Variants in CD36 observed in about 807,000 individuals in gnomAD.
CD36 encodes CD36 molecule (CD36 blood group).
Under a neutral mutation model 55.2 loss-of-function variants are expected in CD36, and 119 were observed. The ratio of observed to expected loss-of-function variants is 2.15; its 90% CI spans 1.86 to 2.51. The LOEUF is 2.51. Among genes scored for constraint, CD36 ranks in the 30% most tolerant of loss-of-function variants. The pLI is 0.00. For missense variants in CD36, 819 were observed against 555.5 expected (o/e 1.47, Z -4.77); for synonymous variants, 186 against 193.6 (o/e 0.96, Z 0.33).
At chr7:80,648,989 G>A (rs545200412) in intron 3 of CD36, among the ~76,000 whole-genome samples, 1 of 152,184 alleles carries the variant, frequency 6.6e-6, no homozygotes, top group African/African-American at 2.4e-5. Context: ...TAGGAAGCAA[G>A]CTTAGAACAT....
intron 5 of CD36, among the ~76,000 whole-genome samples, chr7:80,661,900 A>G (rs867862873): frequency 6.6e-6 from 1 of 152,190 alleles, no homozygotes; most frequent in Non-Finnish European, 1.5e-5. Context: ...AAAACTCTGC[A>G]GAGTCTAGCT....
At position 80,673,993 on chromosome 7, in the gene CD36, T is replaced by TTGGTG; in HGVS notation, c.1266_1270dup (p.Asp424ValfsTer13). On this transcript the variant is annotated frameshift_variant, in exon 14 of 15. Transcript: ENST00000447544. LOFTEE classifies it high-confidence loss of function. ...TTAACTTGATTACAGACTGGGACCA[T>TTGGTG]TGGTGATGAGAAGGCAAACATGTTC... 1 of 1,611,534 alleles carries TTGGTG rather than the reference T, an allele frequency of 6.2e-7. No individual in the cohort carries two copies.
chr7:80,610,457 G>A (rs1792816220), intron 1 of CD36, among the ~76,000 whole-genome samples: 1 of 152,142 alleles, frequency 6.6e-6, no homozygotes, highest in African/African-American at 2.4e-5. Context: ...AATATCTTCA[G>A]TGTAGTCGCT....
chr7:80,662,432 C>G (rs1584423068), intron 5 of CD36: 4 of 240,528 alleles, frequency 1.7e-5, no homozygotes, highest in East Asian at 1.1e-4. Context: ...GAGCTTGTGG[C>G]CAGCATTTCA....
intron 1 of CD36, among the ~76,000 whole-genome samples, chr7:80,603,124 A>G (rs897566690): frequency 1.3e-5 from 2 of 152,132 alleles, no homozygotes; most frequent in Non-Finnish European, 2.9e-5. Flanking sequence ...GGTGTGTTTC[A>G]TAATATGGCT....
intron 3 of CD36, chr7:80,647,167 C>A: frequency 3.0e-6 from 1 of 330,596 alleles, no homozygotes; most frequent in Non-Finnish European, 5.9e-6. Context: ...AGCATGTTGG[C>A]ATGCTTTTGA....
In CD36 at chr7:80,644,383, GTCT is replaced by G. The variant is rs145389366; in HGVS notation, c.-183-1700_-183-1698del. ...AAAAATGACACTAAAGAACTAGTCAGTCTTCTTAATCACCAAGACCTTGATGTA... is the reference window on the plus strand; with the variant it reads ...AAAAATGACACTAAAGAACTAGTCAGTCTTAATCACCAAGACCTTGATGTA... On this transcript the variant is annotated intron_variant, in intron 1 of 14. Coordinates refer to ENST00000447544, the MANE Select transcript of CD36 (RefSeq NM_001001548.3). Among the ~76,000 whole-genome samples, 500 of 152,236 alleles carry G rather than the reference GTCT, an allele frequency of 3.3e-3. 2 individuals carry two copies. Among genetic ancestry groups the G allele is most frequent in the African/African-American group, 0.012 (491 of 41,538 alleles).
intron 8 of CD36, among the ~76,000 whole-genome samples, chr7:80,666,977 C>T (rs1240344372): frequency 2.6e-5 from 4 of 152,194 alleles, no homozygotes; most frequent in Middle Eastern, 6.8e-3. Flanking sequence ...AGAGAGAAAA[C>T]AATAACAAAG....
intron 1 of CD36, among the ~76,000 whole-genome samples, chr7:80,616,905 A>T (rs1793196370): frequency 6.6e-6 from 1 of 152,202 alleles, no homozygotes; most frequent in African/African-American, 2.4e-5. Flanking sequence ...AAAACAGAAA[A>T]CTATCACTAC....
At chr7:80,673,664 A>C in intron 13 of CD36, 1 of 559,790 alleles carries the variant, frequency 1.8e-6, no homozygotes, top group South Asian at 2.2e-5. Flanking sequence ...TTGCCTGACA[A>C]GGTATTTTTA....
intron 1 of CD36, among the ~76,000 whole-genome samples, chr7:80,622,637 T>G (rs1294766102): frequency 6.6e-6 from 1 of 152,166 alleles, no homozygotes; most frequent in Non-Finnish European, 1.5e-5. Flanking sequence ...ATGTCTGCAG[T>G]GAGAAAATAA....
chr7:80,626,446 G>T (rs372931813), intron 1 of CD36, among the ~76,000 whole-genome samples: 1 of 152,040 alleles, frequency 6.6e-6, no homozygotes, highest in Admixed American at 6.6e-5. Context: ...TAAATCTACA[G>T]AATGTGATTT....
chr7:80,632,671 T>C (rs1490169862), intron 1 of CD36, among the ~76,000 whole-genome samples: 4 of 152,086 alleles, frequency 2.6e-5, no homozygotes, highest in African/African-American at 7.2e-5. Context: ...TGATCAATTT[T>C]TTATGGTTTA....
chr7:80,637,897 T>G (rs1794534143), upstream of CD36, among the ~76,000 whole-genome samples: 1 of 109,118 alleles, frequency 9.2e-6, no homozygotes, highest in South Asian at 4.4e-4. Context: ...TGATTCAATA[T>G]CAACATAATG....
At chr7:80,624,692 CAA>C (rs1341503189) in intron 1 of CD36, among the ~76,000 whole-genome samples, 1 of 151,894 alleles carries the variant, frequency 6.6e-6, no homozygotes. Flanking sequence ...GAAAACACAG[CAA>C]AACCCTGTCT....
At chr7:80,662,352 GTCC>G (rs1340871402) in intron 5 of CD36, 1 of 192,846 alleles carries the variant, frequency 5.2e-6, no homozygotes, top group Non-Finnish European at 1.1e-5. Flanking sequence ...CGAAATCGTA[GTCC>G]TCCTCATCCT....
intron 1 of CD36, among the ~76,000 whole-genome samples, chr7:80,639,649 A>G (rs1335215871): frequency 6.6e-6 from 1 of 152,008 alleles, no homozygotes; most frequent in East Asian, 1.9e-4. Flanking sequence ...AAAGATTTGC[A>G]TGTACTTTTT....
Position 80,647,007 on chromosome 7 carries a change from A to G in CD36, c.120+147A>G, listed in dbSNP as rs548976088. On this transcript the variant is annotated intron_variant, in intron 3 of 14. Transcript: ENST00000447544. ...GGTAATTATGAACCACTGCAACTCT[A>G]TATGATGCGACTTTATGTGAAATGT... The G allele has an allele frequency of 5.9e-4, 471 of 793,672 alleles. 5 individuals carry two copies. Among genetic ancestry groups the G allele is most frequent in the South Asian group, 5.6e-3 (384 of 68,082 alleles). The allele number at this position is 793,672 out of a possible 1,614,324, so 49.2% of individuals were successfully genotyped here.
chr7:80,627,662 C>T (rs1300874004), intron 1 of CD36, among the ~76,000 whole-genome samples: 1 of 151,974 alleles, frequency 6.6e-6, no homozygotes, highest in Non-Finnish European at 1.5e-5. Context: ...AGAGGATTTT[C>T]AACAGGCAAA....
Sources: gnomAD v4.1 joint callset for allele counts (sites outside exome capture counted in the v4.1 genomes callset) on GRCh38, gnomAD v4.1.1 for gene constraint, MANE v1.5 for transcripts, NCBI Gene and HGNC (gene_info 2026-07-23, HGNC 2026-07-21) for gene names.